Variants in MYO18B observed in about 807,000 individuals in gnomAD.
MYO18B encodes myosin XVIIIB.
MYO18B carries 204 observed loss-of-function variants against 273.0 expected under a neutral mutation model. The observed-to-expected ratio is 0.75, with a 90% CI of 0.67 to 0.84. The LOEUF (loss-of-function observed/expected upper bound fraction) is 0.84. Among genes scored for constraint, MYO18B ranks in the 40% least tolerant of loss-of-function variants. The pLI, the probability that MYO18B is intolerant of heterozygous loss-of-function variation, is 0.00. For missense variants in MYO18B, 3,212 were observed against 3,287.6 expected (o/e 0.98, Z 0.56); for synonymous variants, 1,330 against 1,305.7 (o/e 1.02, Z -0.40).
chr22:25,794,711 A>T (rs1228685524), intron 11 of MYO18B, among the ~76,000 whole-genome samples: 4 of 150,534 alleles, frequency 2.7e-5, no homozygotes, highest in Non-Finnish European at 5.9e-5. Flanking sequence ...TCACCGTGTT[A>T]GCCAGGATGG....
At chr22:26,058,882 A>G in the MYO18B span, among the ~76,000 whole-genome samples, 40,459 of 152,064 alleles carry the variant, frequency 0.27, 7,523 homozygotes, top group African/African-American at 0.53. Context: ...AGCCTCAGGA[A>G]TTCCTTTATA....
chr22:25,969,317 A>G (rs2093011487), intron 39 of MYO18B, among the ~76,000 whole-genome samples: 2 of 152,294 alleles, frequency 1.3e-5, no homozygotes, highest in South Asian at 4.1e-4. Context: ...CTTATTTTAA[A>G]TCCATAGCTG....
chr22:25,830,975 A>G (rs1439548129), intron 15 of MYO18B, among the ~76,000 whole-genome samples: 15 of 152,242 alleles, frequency 9.9e-5, no homozygotes, highest in East Asian at 5.8e-4. Context: ...CTGATTATCA[A>G]TGTAATACAT....
chr22:26,057,991 G>A, the MYO18B span, among the ~76,000 whole-genome samples: 1 of 152,108 alleles, frequency 6.6e-6, no homozygotes, highest in Non-Finnish European at 1.5e-5. Context: ...GAACCTGGAT[G>A]TGGCTCCATG....
intron 25 of MYO18B, among the ~76,000 whole-genome samples, chr22:25,879,855 T>C (rs761904392): frequency 1.1e-4 from 17 of 152,122 alleles, no homozygotes; most frequent in Non-Finnish European, 1.6e-4. Flanking sequence ...ACATCCTACA[T>C]GGCTGGAGCA....
At chr22:25,844,750 C>G (rs1011178197) in intron 18 of MYO18B, among the ~76,000 whole-genome samples, 2 of 152,196 alleles carry the variant, frequency 1.3e-5, no homozygotes, top group Non-Finnish European at 2.9e-5. Context: ...AAACCCACAT[C>G]CAGGAGTGGG....
At chr22:26,009,152 A>G (rs1232760919) in intron 42 of MYO18B, among the ~76,000 whole-genome samples, 1 of 152,172 alleles carries the variant, frequency 6.6e-6, no homozygotes, top group African/African-American at 2.4e-5. Flanking sequence ...TGTTTCATTC[A>G]AAGTAAAATA....
At chr22:26,019,598 CTGT>C (rs1165366519) in intron 42 of MYO18B, among the ~76,000 whole-genome samples, 1 of 152,220 alleles carries the variant, frequency 6.6e-6, no homozygotes, top group Non-Finnish European at 1.5e-5. Flanking sequence ...TACAGACTCT[CTGT>C]TGTTATTTTG....
intron 17 of MYO18B, among the ~76,000 whole-genome samples, chr22:25,840,346 G>A (rs968489863): frequency 2.0e-5 from 3 of 152,358 alleles, no homozygotes; most frequent in East Asian, 3.9e-4. Flanking sequence ...TGCCTGGAGG[G>A]CCCTTCCGCC....
chr22:25,770,498 A>T (rs2086678550), intron 5 of MYO18B, among the ~76,000 whole-genome samples: 1 of 152,168 alleles, frequency 6.6e-6, no homozygotes, highest in African/African-American at 2.4e-5. Flanking sequence ...CTGAGAAGTG[A>T]TGCTGAGTCT....
intron 28 of MYO18B, chr22:25,897,194 C>T (rs1157538798): frequency 2.0e-5 from 3 of 152,180 alleles, no homozygotes; most frequent in Non-Finnish European, 2.9e-5. Flanking sequence ...TTGTAATTAC[C>T]TACTCACTTC....
intron 25 of MYO18B, chr22:25,884,834 TTCA>T (rs2091450368): frequency 6.6e-6 from 1 of 152,250 alleles, no homozygotes; most frequent in South Asian, 2.1e-4. Context: ...TAGCCTTTGT[TTCA>T]TCATCAGTAA....
chr22:25,902,818 G>T, intron 30 of MYO18B, 82 bp downstream of exon 30: 1 of 1,457,882 alleles, frequency 6.9e-7, no homozygotes, highest in Non-Finnish European at 9.2e-7. Context: ...GCTGCAAATG[G>T]TGACAGAGAG....
chr22:25,946,246 GC>G lies in MYO18B; in HGVS notation c.5629del (p.Leu1877TrpfsTer17). 6.4e-7 allele frequency: 1 copy of G among 1,569,458 alleles called. No individual in the cohort carries two copies. The highest frequency in any genetic ancestry group is 8.6e-7 in the Non-Finnish European group (1 of 1,158,638). On this transcript the variant is annotated frameshift_variant, in exon 35 of 44. Transcript: ENST00000335473. LOFTEE classifies it high-confidence loss of function. ...CTGGAGAACATGACGCGGAACAAGA[GC>G]CTGGTACCTGTCCCTTCCTGCAGCT... ...SELENMTRNK[S>X]LVDEQLYRLQ... is the part of the protein sequence containing the mutation.
chr22:25,961,647 C>T (rs916677976), intron 39 of MYO18B, among the ~76,000 whole-genome samples: 1 of 152,202 alleles, frequency 6.6e-6, no homozygotes, highest in Admixed American at 6.5e-5. Flanking sequence ...GCCCGGGGAA[C>T]CACCCTGGCC....
At chr22:25,796,940 T>C (rs1485803664) in intron 11 of MYO18B, among the ~76,000 whole-genome samples, 1 of 152,160 alleles carries the variant, frequency 6.6e-6, no homozygotes, top group Non-Finnish European at 1.5e-5. Flanking sequence ...CAAAAATAAC[T>C]GCTTCCAGAC....
At chr22:26,000,597 T>TTA (rs1481972319) in intron 40 of MYO18B, among the ~76,000 whole-genome samples, 1 of 147,570 alleles carries the variant, frequency 6.8e-6, no homozygotes, top group Non-Finnish European at 1.5e-5. Context: ...TTTTTTTTTT[T>TTA]AAATCTCCTG....
intron 42 of MYO18B, among the ~76,000 whole-genome samples, chr22:26,009,672 C>T (rs764889909): frequency 3.2e-4 from 48 of 152,080 alleles, no homozygotes; most frequent in Non-Finnish European, 6.3e-4. Flanking sequence ...TTTCATGGAA[C>T]TCTATCTGCT....
the MYO18B span, among the ~76,000 whole-genome samples, chr22:26,048,901 T>A: frequency 6.6e-6 from 1 of 152,086 alleles, no homozygotes; most frequent in African/African-American, 2.4e-5. Flanking sequence ...CAATTTACAC[T>A]CCCACCAACA....
Sources: allele counts gnomAD v4.1 joint callset (sites outside exome capture counted in the v4.1 genomes callset), GRCh38; gene constraint gnomAD v4.1.1; transcripts MANE v1.5; gene names NCBI Gene and HGNC (gene_info 2026-07-23, HGNC 2026-07-21).